The following CNBD1 variants were observed in gnomAD, a reference collection of about 807,000 sequenced individuals.
CNBD1 encodes cyclic nucleotide-binding domain-containing protein 1.
CNBD1 carries 71 observed loss-of-function variants against 54.4 expected under a neutral mutation model. That is an observed-to-expected ratio of 1.30 (90% CI 1.08 to 1.59). The LOEUF (loss-of-function observed/expected upper bound fraction) is 1.59. Ranked by LOEUF, CNBD1 falls within the 40% of genes most tolerant of loss-of-function variation. CNBD1 has a pLI of 0.00. For missense variants in CNBD1, 659 were observed against 518.0 expected (o/e 1.27, Z -2.64); for synonymous variants, 182 against 170.7 (o/e 1.07, Z -0.51).
At chr8:87,341,834 G>GA (rs752889341) in intron 8 of CNBD1, among the ~76,000 whole-genome samples, 2 of 152,130 alleles carry the variant, frequency 1.3e-5, no homozygotes, top group East Asian at 1.9e-4. Flanking sequence ...CCAGAATTGT[G>GA]AAAAAATGTG....
At chr8:87,245,833 C>T (rs1300741511) in intron 6 of CNBD1, among the ~76,000 whole-genome samples, 5 of 151,772 alleles carry the variant, frequency 3.3e-5, no homozygotes, top group Non-Finnish European at 5.9e-5. Flanking sequence ...TTGATATTCT[C>T]ACTTTATCAT....
At chr8:87,419,848 G>T (rs767520674) in intron 2 of CNBD1, among the ~76,000 whole-genome samples, 13 of 151,322 alleles carry the variant, frequency 8.6e-5, no homozygotes, top group Non-Finnish European at 1.6e-4. Context: ...GAGAGAAAAT[G>T]GTCCTAGAAT....
chr8:87,013,363 CT>C (rs1339752875), intron 4 of CNBD1, among the ~76,000 whole-genome samples: 1 of 152,098 alleles, frequency 6.6e-6, no homozygotes, highest in Non-Finnish European at 1.5e-5. Flanking sequence ...GAATGACCCC[CT>C]TTTGAGCACT....
intron 8 of CNBD1, among the ~76,000 whole-genome samples, chr8:87,318,292 G>C (rs1787046481): frequency 6.6e-6 from 1 of 151,718 alleles, no homozygotes; most frequent in African/African-American, 2.4e-5. Flanking sequence ...ATTTTACTTT[G>C]TTGGGTGCTG....
chr8:86,911,172 T>C (rs556576297), intron 3 of CNBD1, among the ~76,000 whole-genome samples: 1 of 152,352 alleles, frequency 6.6e-6, no homozygotes, highest in East Asian at 1.9e-4. Context: ...CCTTTTCTAT[T>C]GGCACAGCTG....
At chr8:87,145,456 C>A (rs1351578524) in intron 4 of CNBD1, among the ~76,000 whole-genome samples, 1 of 151,726 alleles carries the variant, frequency 6.6e-6, no homozygotes, top group Non-Finnish European at 1.5e-5. Context: ...ATGAAATAAC[C>A]CCAGATCCCA....
intron 8 of CNBD1, among the ~76,000 whole-genome samples, chr8:87,332,682 G>C (rs1327407161): frequency 1.3e-5 from 2 of 152,096 alleles, no homozygotes; most frequent in South Asian, 4.2e-4. Context: ...AATATCAGAT[G>C]GTTGTAGATA....
chr8:87,036,147 A>G (rs1003677050), intron 4 of CNBD1, among the ~76,000 whole-genome samples: 13 of 152,118 alleles, frequency 8.5e-5, no homozygotes, highest in African/African-American at 2.7e-4. Context: ...AATTCTAGAC[A>G]TTTTCTATTA....
intron 1 of CNBD1, among the ~76,000 whole-genome samples, chr8:86,873,501 G>T (rs1263426491): frequency 6.6e-6 from 1 of 151,962 alleles, no homozygotes; most frequent in Admixed American, 6.6e-5. Context: ...ACAATGCTCA[G>T]TCTTCCTACT....
chr8:87,190,165 A>G (rs1241359101), intron 4 of CNBD1, among the ~76,000 whole-genome samples: 1 of 152,148 alleles, frequency 6.6e-6, no homozygotes, highest in Admixed American at 6.5e-5. Context: ...ATTTGGTCAA[A>G]TGTCACATAC....
intron 2 of CNBD1, among the ~76,000 whole-genome samples, chr8:87,426,923 C>T (rs1808061126): frequency 6.6e-6 from 1 of 152,152 alleles, no homozygotes; most frequent in Admixed American, 6.5e-5. Flanking sequence ...AACCAATCAT[C>T]CTTTCTCAAT....
At chr8:87,196,223 G>A (rs1813720191) in intron 4 of CNBD1, among the ~76,000 whole-genome samples, 2 of 152,096 alleles carry the variant, frequency 1.3e-5, no homozygotes, top group South Asian at 2.1e-4. Flanking sequence ...ACTAAACTTT[G>A]TGTTAGTCTC....
intron 2 of CNBD1, among the ~76,000 whole-genome samples, chr8:87,419,142 A>G (rs753952258): frequency 6.6e-6 from 1 of 151,942 alleles, no homozygotes; most frequent in Non-Finnish European, 1.5e-5. Flanking sequence ...GTACTGATTT[A>G]TGCTACAAAC....
intron 4 of CNBD1, among the ~76,000 whole-genome samples, chr8:86,973,843 G>A (rs1453148195): frequency 6.6e-6 from 1 of 152,050 alleles, no homozygotes; most frequent in Non-Finnish European, 1.5e-5. Flanking sequence ...TTTAATTATT[G>A]CACTATTTTA....
At chr8:86,895,779 A>G (rs1048485258) in intron 2 of CNBD1, among the ~76,000 whole-genome samples, 1 of 152,068 alleles carries the variant, frequency 6.6e-6, no homozygotes, top group Admixed American at 6.6e-5. Flanking sequence ...TGTCTGTTTT[A>G]AAATTGGTTT....
downstream of CNBD1, among the ~76,000 whole-genome samples, chr8:87,383,669 T>G (rs112750293): frequency 0.019 from 2,866 of 152,230 alleles, 90 homozygotes; most frequent in African/African-American, 0.062. Context: ...TCATTGGAGT[T>G]GCAATTCTCA....
At chr8:87,293,454 G>T (rs776428396) in intron 8 of CNBD1, among the ~76,000 whole-genome samples, 8 of 152,098 alleles carry the variant, frequency 5.3e-5, no homozygotes, top group Non-Finnish European at 7.4e-5. Context: ...TGAGGCAGGA[G>T]AATCTCTTGA....
At chr8:87,032,103 C>A (rs377624913) in intron 4 of CNBD1, among the ~76,000 whole-genome samples, 1 of 152,206 alleles carries the variant, frequency 6.6e-6, no homozygotes, top group Middle Eastern at 3.2e-3. Context: ...AAGACAACAT[C>A]TTTCTCTTTG....
chr8:87,331,228 ACAGGTCC>A (rs1262573633), intron 8 of CNBD1, among the ~76,000 whole-genome samples: 1 of 152,098 alleles, frequency 6.6e-6, no homozygotes, highest in African/African-American at 2.4e-5. Flanking sequence ...CACCCCGCTG[ACAGGTCC>A]AGGTGTGTGT....
Sources: allele counts gnomAD v4.1 joint callset (sites outside exome capture counted in the v4.1 genomes callset), GRCh38; gene constraint gnomAD v4.1.1; transcripts MANE v1.5; gene names NCBI Gene and HGNC (gene_info 2026-07-23, HGNC 2026-07-21).